SUMF1: variants seen among roughly 807,000 people sequenced by gnomAD.
The protein encoded by SUMF1 is formylglycine-generating enzyme.
A neutral mutation model predicts 47.6 loss-of-function variants in SUMF1; 48 were observed. The observed-to-expected ratio is 1.01, with a 90% CI of 0.80 to 1.28. The LOEUF is 1.28. Ranked by LOEUF, SUMF1 falls within the 50% of genes most tolerant of loss-of-function variation. SUMF1 has a pLI of 0.00. For synonymous variants in SUMF1, 230 were observed against 192.1 expected (o/e 1.20, Z -1.63); for missense variants, 571 against 485.4 (o/e 1.18, Z -1.66).
intron 3 of SUMF1, among the ~76,000 whole-genome samples, chr3:4,439,976 G>C (rs1476139287): frequency 6.6e-6 from 1 of 152,106 alleles, no homozygotes; most frequent in African/African-American, 2.4e-5. Context: ...GCTCATGCTT[G>C]TAATCCCAGC....
intron 8 of SUMF1, among the ~76,000 whole-genome samples, chr3:4,135,133 T>C (rs577446018): frequency 6.6e-6 from 1 of 152,132 alleles, no homozygotes; most frequent in African/African-American, 2.4e-5. Flanking sequence ...GATGCCAGCA[T>C]CATCCTGATA....
At chr3:4,376,928 T>C (rs1203571872) in intron 7 of SUMF1, among the ~76,000 whole-genome samples, 1 of 152,070 alleles carries the variant, frequency 6.6e-6, no homozygotes, top group Non-Finnish European at 1.5e-5. Flanking sequence ...CCCAAGTAGC[T>C]AGAACCACAG....
At chr3:4,440,675 A>C (rs562315046) in intron 3 of SUMF1, among the ~76,000 whole-genome samples, 1 of 152,248 alleles carries the variant, frequency 6.6e-6, no homozygotes, top group Non-Finnish European at 1.5e-5. Flanking sequence ...GGGGGAAAAA[A>C]GATGCTTGGT....
At chr3:4,128,935 A>C (rs1399880403) in intron 8 of SUMF1, among the ~76,000 whole-genome samples, 1 of 152,106 alleles carries the variant, frequency 6.6e-6, no homozygotes, top group East Asian at 1.9e-4. Context: ...ATATGGATTG[A>C]AAGATGACCT....
intron 8 of SUMF1, among the ~76,000 whole-genome samples, chr3:4,337,233 A>C (rs2819567): frequency 2.3e-3 from 15 of 6,642 alleles, no homozygotes; most frequent in South Asian, 0.017. Flanking sequence ...TTCCTTCCTT[A>C]CTTCCTTCCC....
At chr3:4,389,990 T>C (rs1344278556) in intron 7 of SUMF1, among the ~76,000 whole-genome samples, 1 of 152,216 alleles carries the variant, frequency 6.6e-6, no homozygotes, top group Non-Finnish European at 1.5e-5. Context: ...TTAAATTCAC[T>C]TTGATATCTT....
At chr3:4,330,612 C>T (rs1699030891) in intron 8 of SUMF1, among the ~76,000 whole-genome samples, 1 of 152,214 alleles carries the variant, frequency 6.6e-6, no homozygotes, top group South Asian at 2.1e-4. Flanking sequence ...GGGATTATTA[C>T]AATTCAAGGT....
chr3:4,397,316 A>C (rs1425851478), intron 7 of SUMF1, among the ~76,000 whole-genome samples: 1 of 152,236 alleles, frequency 6.6e-6, no homozygotes, highest in Non-Finnish European at 1.5e-5. Context: ...CATTCACTGA[A>C]AGATTTGCTC....
intron 8 of SUMF1, among the ~76,000 whole-genome samples, chr3:4,287,794 T>G (rs1697662445): frequency 6.6e-6 from 1 of 152,236 alleles, no homozygotes; most frequent in Non-Finnish European, 1.5e-5. Context: ...CCTTGTCATC[T>G]TGTTAGTTCT....
At chr3:4,417,344 T>A in intron 5 of SUMF1, 102 bp from the exon 6 acceptor site, 1 of 860,782 alleles carries the variant, frequency 1.2e-6, no homozygotes, top group Non-Finnish European at 2.0e-6. Context: ...GCTTGCTTGT[T>A]CTGAGTGAGC....
At chr3:4,282,066 G>A (rs780522921) in intron 8 of SUMF1, among the ~76,000 whole-genome samples, 34 of 152,068 alleles carry the variant, frequency 2.2e-4, no homozygotes, top group Non-Finnish European at 4.4e-4. Flanking sequence ...TGTCATTATC[G>A]TGATACATTT....
At chr3:4,333,201 A>C (rs1699082621) in intron 8 of SUMF1, among the ~76,000 whole-genome samples, 1 of 152,352 alleles carries the variant, frequency 6.6e-6, no homozygotes, top group Middle Eastern at 3.4e-3. Context: ...AGAAAGGCAG[A>C]GGGTCCACTG....
At chr3:4,157,561 G>A (rs1694483144) in intron 8 of SUMF1, among the ~76,000 whole-genome samples, 1 of 151,380 alleles carries the variant, frequency 6.6e-6, no homozygotes. Context: ...CATATCACTG[G>A]AAGGGCAAGA....
intron 3 of SUMF1, among the ~76,000 whole-genome samples, chr3:4,431,481 C>A (rs1002743792): frequency 3.9e-5 from 6 of 152,236 alleles, no homozygotes; most frequent in Non-Finnish European, 5.9e-5. Context: ...AACCACCCAA[C>A]TGTGGGAATG....
chr3:4,400,965 T>C (rs12492446), intron 7 of SUMF1, among the ~76,000 whole-genome samples: 274 of 90,602 alleles, frequency 3.0e-3, no homozygotes, highest in Non-Finnish European at 4.4e-3. Flanking sequence ...CCCTCCCCCC[T>C]CCCCCCACCC....
intron 7 of SUMF1, among the ~76,000 whole-genome samples, chr3:4,384,275 G>GTA (rs1389322435): frequency 6.6e-6 from 1 of 152,058 alleles, no homozygotes; most frequent in Non-Finnish European, 1.5e-5. Context: ...TTTATTATGG[G>GTA]TAACCGTTGA....
intron 8 of SUMF1, chr3:4,304,083 G>A (rs1215664906): frequency 1.1e-5 from 2 of 188,944 alleles, no homozygotes; most frequent in African/African-American, 2.4e-5. Flanking sequence ...TACACTTTCC[G>A]GTTTGCTGTA....
intron 9 of SUMF1, among the ~76,000 whole-genome samples, chr3:4,058,814 AC>A (rs1323295874): frequency 2.0e-5 from 3 of 152,136 alleles, no homozygotes; most frequent in Non-Finnish European, 4.4e-5. Context: ...CATAATTCTA[AC>A]CATTAACCCA....
intron 8 of SUMF1, among the ~76,000 whole-genome samples, chr3:4,098,991 C>T (rs1223025891): frequency 6.6e-6 from 1 of 151,944 alleles, no homozygotes; most frequent in Non-Finnish European, 1.5e-5. Context: ...ATTTTCTTAC[C>T]CACTAGCGAC....
Sources: allele counts gnomAD v4.1 joint callset (sites outside exome capture counted in the v4.1 genomes callset), GRCh38; gene constraint gnomAD v4.1.1; transcripts MANE v1.5; gene names NCBI Gene and HGNC (gene_info 2026-07-23, HGNC 2026-07-21).